HDAC9: variants seen among roughly 807,000 people sequenced by gnomAD.
HDAC9 encodes MEF-2 interacting transcription repressor (MITR) protein.
A neutral mutation model predicts 139.4 loss-of-function variants in HDAC9; 41 were observed. That is an observed-to-expected ratio of 0.29 (90% CI 0.23 to 0.38). The LOEUF (loss-of-function observed/expected upper bound fraction) is 0.38, where lower values mean the gene tolerates loss of function less well. Among genes scored for constraint, HDAC9 ranks in the 10% least tolerant of loss-of-function variants. The pLI, the probability that HDAC9 is intolerant of heterozygous loss-of-function variation, is 1.00. For synonymous variants in HDAC9, 517 were observed against 476.2 expected, an observed-to-expected ratio of 1.09 and a Z score of -1.12; for missense variants, 1,147 against 1,297.0, an observed-to-expected ratio of 0.88 and a Z score of 1.78.
intron 6 of HDAC9, among the ~76,000 whole-genome samples, chr7:18,624,833 A>G (rs1441103316): frequency 6.6e-6 from 1 of 151,888 alleles, no homozygotes; most frequent in Non-Finnish European, 1.5e-5. Flanking sequence ...GGACTAAATG[A>G]TAGTTATCTA....
At chr7:18,381,446 C>T (rs569829152) in intron 1 of HDAC9, among the ~76,000 whole-genome samples, 20 of 151,710 alleles carry the variant, frequency 1.3e-4, no homozygotes, top group East Asian at 3.9e-4. Context: ...AAGAAAATCA[C>T]GGGAGATTTA....
chr7:18,368,250 T>TC (rs1562924354), intron 1 of HDAC9, among the ~76,000 whole-genome samples: 1 of 152,060 alleles, frequency 6.6e-6, no homozygotes, highest in Non-Finnish European at 1.5e-5. Flanking sequence ...AAAGATATCC[T>TC]CCCATATTTT....
chr7:18,496,929 G>A (rs1157337829), intron 2 of HDAC9, among the ~76,000 whole-genome samples: 1 of 152,028 alleles, frequency 6.6e-6, no homozygotes, highest in African/African-American at 2.4e-5. Context: ...AAAAACATGT[G>A]GGAAGTCTAG....
intron 1 of HDAC9, among the ~76,000 whole-genome samples, chr7:18,098,579 G>A (rs577652941): frequency 7.9e-5 from 12 of 152,246 alleles, no homozygotes; most frequent in Admixed American, 2.0e-4. Context: ...CAGCATTTCT[G>A]TTCAGGGCGA....
intron 1 of HDAC9, among the ~76,000 whole-genome samples, chr7:18,119,589 G>A (rs909906200): frequency 3.9e-5 from 6 of 152,200 alleles, no homozygotes; most frequent in Admixed American, 3.9e-4. Flanking sequence ...AGATTGAGGA[G>A]CTTAGCCAGT....
intron 22 of HDAC9, among the ~76,000 whole-genome samples, chr7:18,927,407 C>G (rs1235312965): frequency 6.6e-6 from 1 of 152,140 alleles, no homozygotes; most frequent in Non-Finnish European, 1.5e-5. Flanking sequence ...CCGAATTTCT[C>G]TCTCTACTTG....
intron 12 of HDAC9, among the ~76,000 whole-genome samples, chr7:18,703,779 G>C (rs1455892916): frequency 6.6e-6 from 1 of 150,852 alleles, no homozygotes; most frequent in Non-Finnish European, 1.5e-5. Flanking sequence ...CTGTCCCCCA[G>C]GGCCCTGGGC....
At chr7:18,375,181 A>G (rs1352604482) in intron 1 of HDAC9, among the ~76,000 whole-genome samples, 2 of 152,214 alleles carry the variant, frequency 1.3e-5, no homozygotes, top group Admixed American at 6.5e-5. Flanking sequence ...AATAAATAAG[A>G]TAACTTGGCT....
At chr7:18,119,541 T>G (rs770341218) in intron 1 of HDAC9, among the ~76,000 whole-genome samples, 5 of 152,192 alleles carry the variant, frequency 3.3e-5, no homozygotes, top group Non-Finnish European at 7.3e-5. Flanking sequence ...GTCGGTCTTC[T>G]GAAGAACTGT....
chr7:18,649,305 T>C (rs890950740), intron 11 of HDAC9, among the ~76,000 whole-genome samples: 3 of 152,090 alleles, frequency 2.0e-5, no homozygotes, highest in Non-Finnish European at 4.4e-5. Context: ...CAGCATAATA[T>C]CAGACAGGCC....
At chr7:18,120,124 C>T (rs1784271685) in intron 1 of HDAC9, among the ~76,000 whole-genome samples, 1 of 152,058 alleles carries the variant, frequency 6.6e-6, no homozygotes, top group Admixed American at 6.6e-5. Context: ...AGATTCTCCA[C>T]AGGAGAAGAT....
chr7:18,373,636 A>G (rs1042652895), intron 1 of HDAC9, among the ~76,000 whole-genome samples: 2 of 152,190 alleles, frequency 1.3e-5, no homozygotes, highest in African/African-American at 4.8e-5. Flanking sequence ...ATTGAGGTGT[A>G]AATGCCACAT....
chr7:18,898,502 T>C (rs548450952), intron 22 of HDAC9, among the ~76,000 whole-genome samples: 28 of 152,062 alleles, frequency 1.8e-4, no homozygotes, highest in African/African-American at 6.5e-4. Flanking sequence ...AGAGAACATA[T>C]TATTTCTGAA....
At chr7:18,973,711 A>G (rs1255742048) in intron 24 of HDAC9, among the ~76,000 whole-genome samples, 1 of 152,202 alleles carries the variant, frequency 6.6e-6, no homozygotes, top group Non-Finnish European at 1.5e-5. Flanking sequence ...TTCAAAGTTG[A>G]GAGATGTAGG....
chr7:18,436,005 G>T (rs1791169166), intron 1 of HDAC9, among the ~76,000 whole-genome samples: 1 of 150,672 alleles, frequency 6.6e-6, no homozygotes. Context: ...TATTGAAGAG[G>T]CGAGGTTTCA....
chr7:18,947,159 A>G (rs1782461622), intron 23 of HDAC9, among the ~76,000 whole-genome samples: 1 of 152,064 alleles, frequency 6.6e-6, no homozygotes, highest in African/African-American at 2.4e-5. Context: ...TTAAATGTAT[A>G]TATTAGAAAA....
chr7:18,148,924 G>T (rs1405076564), intron 1 of HDAC9, among the ~76,000 whole-genome samples: 2 of 152,164 alleles, frequency 1.3e-5, no homozygotes, highest in Non-Finnish European at 2.9e-5. Flanking sequence ...TGGGGATATG[G>T]TCATGAATAT....
At chr7:18,208,447 A>G (rs906251224) in intron 2 of HDAC9, among the ~76,000 whole-genome samples, 1 of 147,356 alleles carries the variant, frequency 6.8e-6, no homozygotes, top group Non-Finnish European at 1.5e-5. Flanking sequence ...AACAAGGCTC[A>G]GGCAGCCTCC....
chr7:18,373,910 G>A (rs571766602), intron 1 of HDAC9, among the ~76,000 whole-genome samples: 11 of 151,920 alleles, frequency 7.2e-5, no homozygotes, highest in Admixed American at 5.2e-4. Flanking sequence ...AAATAGAAAA[G>A]CACTCTATAA....
Sources: allele counts gnomAD v4.1 joint callset (sites outside exome capture counted in the v4.1 genomes callset), GRCh38; gene constraint gnomAD v4.1.1; transcripts MANE v1.5; gene names NCBI Gene and HGNC (gene_info 2026-07-23, HGNC 2026-07-21).